The following KDELR3 variants were observed in gnomAD, a reference collection of about 807,000 sequenced individuals.
KDELR3 encodes KDEL endoplasmic reticulum protein retention receptor 3, also known as ER lumen protein-retaining receptor 3.
KDELR3 carries 26 observed loss-of-function variants against 22.7 expected under a neutral mutation model. That is an observed-to-expected ratio of 1.15 (90% confidence interval 0.84 to 1.59). The LOEUF (loss-of-function observed/expected upper bound fraction) is 1.59. KDELR3 is among the 40% of genes most tolerant of loss of function. The pLI is 0.00. For missense variants in KDELR3, 289 were observed against 251.1 expected (o/e 1.15, Z -1.02); for synonymous variants, 120 against 98.2 (o/e 1.22, Z -1.31).
intron 2 of KDELR3, among the ~76,000 whole-genome samples, chr22:38,476,532 T>A (rs2089559524): frequency 6.6e-6 from 1 of 151,350 alleles, no homozygotes; most frequent in Non-Finnish European, 1.5e-5. Context: ...GTCTTCTTTT[T>A]TGTTGTTGTT....
chr22:38,469,211 G>C (rs1234598187), intron 1 of KDELR3, among the ~76,000 whole-genome samples: 1 of 152,258 alleles, frequency 6.6e-6, no homozygotes, highest in Non-Finnish European at 1.5e-5. Flanking sequence ...CGGGGATGAA[G>C]AGGCATGGAG....
intron 1 of KDELR3, among the ~76,000 whole-genome samples, chr22:38,472,254 G>C (rs2089529958): frequency 6.6e-6 from 1 of 152,100 alleles, no homozygotes; most frequent in Non-Finnish European, 1.5e-5. Context: ...GAAGTGGGCA[G>C]TCACTTGAGG....
At position 38,482,673 on chromosome 22, in the gene KDELR3, T is replaced by C. The variant is rs2089613031; in HGVS notation, c.*137T>C. ...GTTTAGTGTGGATTTCAGCAAAACC[T>C]GATCATCCCACCCAGAAGACCTTCT... is the stretch of plus-strand genomic sequence containing the variant. On this transcript the variant is annotated 3_prime_UTR_variant, in exon 5 of 5. Coordinates refer to ENST00000216014, the MANE Select transcript of KDELR3 (RefSeq NM_006855.4). The C allele has an allele frequency of 1.4e-6, 1 of 736,010 alleles. No individual in the cohort carries two copies. The highest frequency in any genetic ancestry group is 2.3e-6 in the Non-Finnish European group (1 of 431,886). 45.6% of individuals were successfully genotyped at this position (736,010 alleles called of 1,614,324 possible). A position where few individuals can be genotyped will look rare whatever the true frequency, so the allele number is the denominator to read the frequency against.
chr22:38,481,524 T>C, intron 4 of KDELR3, 60 bp downstream of exon 4: 1 of 1,610,482 alleles, frequency 6.2e-7, no homozygotes, highest in African/African-American at 1.3e-5. Flanking sequence ...ATCCATTTAA[T>C]AAGTATTCCA....
intron 1 of KDELR3, among the ~76,000 whole-genome samples, chr22:38,474,162 G>A (rs1477032669): frequency 1.3e-5 from 2 of 152,020 alleles, no homozygotes; most frequent in Non-Finnish European, 2.9e-5. Flanking sequence ...GGAACTCTGG[G>A]GGTGGAGTGA....
At chr22:38,479,302 T>C (rs371251398) in intron 2 of KDELR3, among the ~76,000 whole-genome samples, 1 of 152,262 alleles carries the variant, frequency 6.6e-6, no homozygotes, top group East Asian at 1.9e-4. Context: ...TCCCCTGAAA[T>C]AGACCAATCC....
intron 1 of KDELR3, among the ~76,000 whole-genome samples, chr22:38,469,456 C>T (rs2089510210): frequency 6.6e-6 from 1 of 152,132 alleles, no homozygotes. Context: ...CAGGGGGAGG[C>T]CTGGCAGGGT....
chr22:38,468,764 G>C (rs563738051), intron 1 of KDELR3, among the ~76,000 whole-genome samples: 1 of 151,856 alleles, frequency 6.6e-6, no homozygotes, highest in African/African-American at 2.4e-5. Flanking sequence ...GTGAGCCCTC[G>C]TCCCTCCCCT....
chr22:38,480,162 G>C (rs2089589454), intron 3 of KDELR3, among the ~76,000 whole-genome samples: 1 of 152,006 alleles, frequency 6.6e-6, no homozygotes, highest in South Asian at 2.1e-4. Context: ...TTATTTTTTT[G>C]AGATGGAGTC....
Position 38,468,193 on chromosome 22 carries a change from G to C in KDELR3, c.-41G>C. ...GCCCTGCCCGCCAGAAAGTTTCCTA[G>C]AAGTTTGCTGGGCGCGGGCGCACGA... On this transcript the variant is annotated 5_prime_UTR_variant, in exon 1 of 5. Coordinates refer to ENST00000216014, the MANE Select transcript of KDELR3 (RefSeq NM_006855.4). The C allele has an allele frequency of 1.3e-6, 2 of 1,593,144 alleles. No homozygotes were observed. Among genetic ancestry groups the C allele is most frequent in the South Asian group, 2.2e-5 (2 of 90,640 alleles).
intron 1 of KDELR3, among the ~76,000 whole-genome samples, chr22:38,472,410 G>C (rs1441936213): frequency 6.6e-6 from 1 of 151,992 alleles, no homozygotes; most frequent in South Asian, 2.1e-4. Flanking sequence ...CCGGGAGGCA[G>C]ACGTTGCAGT....
At chr22:38,481,559 G>T in intron 4 of KDELR3, 95 bp downstream of exon 4, 1 of 1,574,362 alleles carries the variant, frequency 6.4e-7, no homozygotes. Context: ...GAACAGTCAA[G>T]TCTCTGCCAT....
intron 4 of KDELR3, among the ~76,000 whole-genome samples, chr22:38,482,208 G>A (rs1249534076): frequency 6.6e-6 from 1 of 152,178 alleles, no homozygotes; most frequent in Non-Finnish European, 1.5e-5. Flanking sequence ...AAGACATGTG[G>A]ACACAAGTTC....
At chr22:38,474,274 C>T (rs1397555633) in intron 1 of KDELR3, 6 of 373,196 alleles carry the variant, frequency 1.6e-5, no homozygotes, top group East Asian at 1.1e-4. Flanking sequence ...ACTGGGAACT[C>T]GGTGTTCGTG....
chr22:38,481,022 GAAA>G (rs537216751), intron 3 of KDELR3, among the ~76,000 whole-genome samples, 187 bp from the exon 4 acceptor site: 3 of 149,916 alleles, frequency 2.0e-5, no homozygotes, highest in Non-Finnish European at 4.5e-5. Context: ...TCAAAAATTA[GAAA>G]AAAAAACCCT....
chr22:38,481,209 C>T lies in KDELR3; in HGVS notation c.352-3C>T, dbSNP rs2089597276. On this transcript the variant is annotated splice_polypyrimidine_tract_variant and splice_region_variant and intron_variant, in intron 3 of 4. Transcript: ENST00000216014. ...GTCTCTGGTTGCTTTCTCTTTGGCTCAGATCCTCTGGACTTTCTCTATCTA... is the reference window on the plus strand; with the variant it reads ...GTCTCTGGTTGCTTTCTCTTTGGCTTAGATCCTCTGGACTTTCTCTATCTA... The T allele has an allele frequency of 6.2e-7, 1 of 1,611,408 alleles. No homozygotes were observed. The highest frequency in any genetic ancestry group is 1.3e-5 in the African/African-American group (1 of 74,792).
At chr22:38,481,618 A>G in intron 4 of KDELR3, 154 bp downstream of exon 4, 1 of 1,488,112 alleles carries the variant, frequency 6.7e-7, no homozygotes, top group African/African-American at 1.4e-5. Context: ...TTCAATAAAG[A>G]AACAAATGCC....
Position 38,482,489 on chromosome 22 carries a change from C to G in KDELR3, c.605-7C>G. ...TAAATTCTTATTTCATCTCCATTTT[C>G]TTCCAGTCCTTAAGGGAAAGAAGTT... On this transcript the variant is annotated splice_polypyrimidine_tract_variant and splice_region_variant and intron_variant, in intron 4 of 4. Transcript: ENST00000216014. 6.2e-7 allele frequency: 1 copy of G among 1,608,778 alleles called. No homozygotes were observed. Among genetic ancestry groups the G allele is most frequent in the Non-Finnish European group, 8.5e-7 (1 of 1,175,116 alleles).
rs2089599938 is a variant in KDELR3 at position 38,481,450 on chromosome 22, T to C, written c.590T>C (p.Leu197Ser). Reference protein sequence around the residue: ...QTIFYCDFFYLYVTKVLKGKK... With the variant: ...QTIFYCDFFYSYVTKVLKGKK... Reference sequence around the variant, plus strand: ...ATCTTCTACTGTGACTTCTTCTACTTGTATGTGACCAAAGGTAGGTCCTGG... The same window carrying C: ...ATCTTCTACTGTGACTTCTTCTACTCGTATGTGACCAAAGGTAGGTCCTGG... Residue 197 changes from leucine (L) to serine (S), a missense_variant, in exon 4 of 5, where the codon TTG becomes TCG. Leu to Ser is a moderately radical substitution (Grantham distance 145, BLOSUM62 -2). Transcript: ENST00000216014. 6.2e-7 allele frequency: 1 copy of C among 1,614,140 alleles called. No individual in the cohort carries two copies. The highest frequency in any genetic ancestry group is 8.5e-7 in the Non-Finnish European group (1 of 1,180,008).
Sources: gnomAD v4.1 joint callset for allele counts (sites outside exome capture counted in the v4.1 genomes callset) on GRCh38, gnomAD v4.1.1 for gene constraint, MANE v1.5 for transcripts, NCBI Gene and HGNC (gene_info 2026-07-23, HGNC 2026-07-21) for gene names.